HSF2BP: variants seen among roughly 807,000 people sequenced by gnomAD.
HSF2BP encodes heat shock factor 2-binding protein.
Under a neutral mutation model 35.0 loss-of-function variants are expected in HSF2BP, and 35 were observed. That is an observed-to-expected ratio of 1.00 (90% CI 0.76 to 1.32). HSF2BP has a LOEUF of 1.32. HSF2BP is among the 40% of genes most tolerant of loss of function. The pLI, the probability that HSF2BP is intolerant of heterozygous loss-of-function variation, is 0.00. For synonymous variants in HSF2BP, 114 were observed against 117.4 expected (o/e 0.97, Z 0.18); for missense variants, 326 against 321.7 (o/e 1.01, Z -0.10).
chr21:43,652,400 CAA>C lies in HSF2BP; in HGVS notation c.187+4185_187+4186del, dbSNP rs35714746. Among the ~76,000 whole-genome samples, 330 of 89,308 alleles carry C rather than the reference CAA, an allele frequency of 3.7e-3. No individual in the cohort carries two copies. The East Asian group carries it at 0.039, about 11-fold the overall frequency. 58.6% of individuals were successfully genotyped at this position (89,308 alleles called of 152,430 possible). A position where few individuals can be genotyped will look rare whatever the true frequency, so the allele number is the denominator to read the frequency against. On this transcript the variant is annotated intron_variant, in intron 3 of 8. Transcript: ENST00000291560. Reference sequence around the variant, plus strand: ...CCTGGGAGACAGAGCCAGACACCATCAAAAAAAAAAAAAAAAAAAACAACTGG... The same window carrying C: ...CCTGGGAGACAGAGCCAGACACCATCAAAAAAAAAAAAAAAAAACAACTGG...
At chr21:43,645,294 CCA>C (rs926722866) in intron 3 of HSF2BP, among the ~76,000 whole-genome samples, 8 of 152,182 alleles carry the variant, frequency 5.3e-5, no homozygotes, top group Non-Finnish European at 1.0e-4. Context: ...TGGGTTCCAT[CCA>C]CAGTTTCCAA....
At chr21:43,580,045 G>C (rs1985323792) in intron 8 of HSF2BP, among the ~76,000 whole-genome samples, 1 of 151,996 alleles carries the variant, frequency 6.6e-6, no homozygotes, top group African/African-American at 2.4e-5. Flanking sequence ...GCTCTCATGA[G>C]CCCTACATCC....
intron 8 of HSF2BP, among the ~76,000 whole-genome samples, chr21:43,583,747 G>A (rs1415952466): frequency 1.6e-4 from 23 of 141,792 alleles, no homozygotes; most frequent in Non-Finnish European, 3.2e-4. Context: ...CCTGCCGAGG[G>A]AGATGAAGGG....
chr21:43,642,244 G>T (rs2082646802), intron 4 of HSF2BP, among the ~76,000 whole-genome samples: 1 of 152,022 alleles, frequency 6.6e-6, no homozygotes, highest in African/African-American at 2.4e-5. Flanking sequence ...CATCTCTGTA[G>T]TCCCAGCCAC....
chr21:43,578,848 T>G (rs576646325), intron 8 of HSF2BP, among the ~76,000 whole-genome samples: 1 of 152,324 alleles, frequency 6.6e-6, no homozygotes, highest in South Asian at 2.1e-4. Context: ...CCCAGGTCTC[T>G]GTGGCCTGGC....
intron 4 of HSF2BP, among the ~76,000 whole-genome samples, chr21:43,639,459 A>G (rs2082607188): frequency 6.6e-6 from 1 of 152,232 alleles, no homozygotes; most frequent in Non-Finnish European, 1.5e-5. Flanking sequence ...GTAAAAAAAG[A>G]AAAAATCCAA....
chr21:43,613,986 G>C lies in HSF2BP; in HGVS notation c.575-39C>G, dbSNP rs139496221. On this transcript the variant is annotated intron_variant, in intron 6 of 8. Transcript: ENST00000291560. ...TGAAACAAAACATCAAGATCATTAT[G>C]ACTCAGAACCTAGACAATTTTGTGC... is the stretch of plus-strand genomic sequence containing the variant. 212 of 1,416,358 alleles carry C rather than the reference G, an allele frequency of 1.5e-4. No homozygotes were observed. In the African/African-American group the frequency reaches 2.8e-3, roughly 18 times the overall value. The allele number at this position is 1,416,358 out of a possible 1,614,324, so 87.7% of individuals were successfully genotyped here.
chr21:43,581,802 G>A (rs898414127), intron 8 of HSF2BP, among the ~76,000 whole-genome samples: 4 of 123,790 alleles, frequency 3.2e-5, no homozygotes, highest in Non-Finnish European at 7.1e-5. Flanking sequence ...CTTAGCCAGT[G>A]GTCAGAAGGG....
intron 8 of HSF2BP, among the ~76,000 whole-genome samples, chr21:43,572,675 T>C (rs571569245): frequency 4.6e-5 from 7 of 152,334 alleles, no homozygotes; most frequent in Middle Eastern, 6.8e-3. Context: ...CTCCTCTCTG[T>C]TGGAAAACTA....
the HSF2BP span, among the ~76,000 whole-genome samples, chr21:43,501,167 C>T: frequency 9.6e-6 from 1 of 103,724 alleles, no homozygotes; most frequent in Non-Finnish European, 1.9e-5. Flanking sequence ...CCCTTATCCG[C>T]GGTTTCGCTT....
intron 3 of HSF2BP, among the ~76,000 whole-genome samples, chr21:43,645,149 C>A (rs1312068015): frequency 6.6e-6 from 1 of 152,166 alleles, no homozygotes; most frequent in East Asian, 1.9e-4. Context: ...TTTATGCCAA[C>A]ATATACCAAG....
chr21:43,573,053 A>G (rs903146464), intron 8 of HSF2BP, among the ~76,000 whole-genome samples: 3 of 152,240 alleles, frequency 2.0e-5, no homozygotes, highest in African/African-American at 4.8e-5. Context: ...TGGTGAATAC[A>G]TGAATGAGCC....
At chr21:43,595,811 G>A (rs529180183) in intron 7 of HSF2BP, among the ~76,000 whole-genome samples, 7 of 113,964 alleles carry the variant, frequency 6.1e-5, no homozygotes, top group South Asian at 3.2e-4. Flanking sequence ...TGCAACCTCC[G>A]CCTCCTGGGT....
At chr21:43,642,747 T>C (rs140554238) in intron 4 of HSF2BP, among the ~76,000 whole-genome samples, 25 of 152,152 alleles carry the variant, frequency 1.6e-4, no homozygotes, top group East Asian at 5.8e-4. Context: ...TACTTTACCA[T>C]GGCTGTTTCC....
chr21:43,467,523 T>C, the HSF2BP span, among the ~76,000 whole-genome samples: 1 of 136,810 alleles, frequency 7.3e-6, no homozygotes, highest in Non-Finnish European at 1.6e-5. Flanking sequence ...AGCGCTGCCC[T>C]CTTCCTTCTC....
chr21:43,638,436 G>A (rs2082593513), intron 4 of HSF2BP, among the ~76,000 whole-genome samples: 1 of 151,952 alleles, frequency 6.6e-6, no homozygotes, highest in African/African-American at 2.4e-5. Context: ...CCAGCCTGGG[G>A]GACAAGATAA....
At chr21:43,572,633 C>T (rs908418270) in intron 8 of HSF2BP, among the ~76,000 whole-genome samples, 5 of 152,196 alleles carry the variant, frequency 3.3e-5, no homozygotes, top group Non-Finnish European at 7.3e-5. Flanking sequence ...CTCAGGTGTC[C>T]GAGAGGACAA....
At chr21:43,613,581 C>A (rs1000585200) in intron 7 of HSF2BP, among the ~76,000 whole-genome samples, 10 of 152,304 alleles carry the variant, frequency 6.6e-5, no homozygotes, top group African/African-American at 2.2e-4. Context: ...TTTTGACATA[C>A]CCATGAAGTA....
intron 8 of HSF2BP, among the ~76,000 whole-genome samples, chr21:43,573,736 C>A (rs988956843): frequency 9.9e-5 from 15 of 152,136 alleles, no homozygotes; most frequent in Admixed American, 4.6e-4. Context: ...ACCTGGCAGT[C>A]TGGGGGAGGG....
Sources: gnomAD v4.1 joint callset for allele counts (sites outside exome capture counted in the v4.1 genomes callset) on GRCh38, gnomAD v4.1.1 for gene constraint, MANE v1.5 for transcripts, NCBI Gene and HGNC (gene_info 2026-07-23, HGNC 2026-07-21) for gene names.